VPS52: variants seen among roughly 807,000 people sequenced by gnomAD.
VPS52 encodes VPS52 subunit of GARP complex.
In VPS52, 56 loss-of-function variants were observed where a neutral mutation model predicts 98.7. The observed-to-expected ratio is 0.57, with a 90% CI of 0.46 to 0.71. The LOEUF is 0.71. VPS52 is among the 30% of genes least tolerant of loss of function. The pLI is 0.00. For missense variants in VPS52, 742 were observed against 925.9 expected (o/e 0.80, Z 2.58); for synonymous variants, 348 against 346.4 (o/e 1.00, Z -0.05).
intron 17 of VPS52, among the ~76,000 whole-genome samples, chr6:33,257,508 C>T (rs563841141): frequency 7.9e-5 from 12 of 152,092 alleles, no homozygotes; most frequent in Non-Finnish European, 1.8e-4. Context: ...AAGTGATTCT[C>T]CTGCCTCAGC....
intron 15 of VPS52, 27 bp downstream of exon 15, chr6:33,263,981 G>A (rs751478385): frequency 1.2e-6 from 2 of 1,613,934 alleles, no homozygotes; most frequent in East Asian, 2.2e-5. Context: ...CCCTGCTGCT[G>A]GGAAGTGTCT....
At chr6:33,258,566 T>TA (rs1457262248) in intron 17 of VPS52, among the ~76,000 whole-genome samples, 4 of 152,130 alleles carry the variant, frequency 2.6e-5, no homozygotes, top group Admixed American at 6.6e-5. Flanking sequence ...CTCTTATAAA[T>TA]AAAAAATACT....
chr6:33,260,722 G>A (rs969943601), intron 17 of VPS52, among the ~76,000 whole-genome samples: 7 of 152,120 alleles, frequency 4.6e-5, no homozygotes, highest in East Asian at 1.9e-4. Flanking sequence ...AATCTAGGCC[G>A]GGTGCAGTGA....
Position 33,269,772 on chromosome 6 carries a change from C to A in VPS52, c.276G>T (p.Gln92His), listed in dbSNP as rs1343108013. The A allele has an allele frequency of 1.2e-6, 2 of 1,613,774 alleles. No homozygotes were observed. Among genetic ancestry groups the A allele is most frequent in the Non-Finnish European group, 1.7e-6 (2 of 1,179,990 alleles). The change falls in exon 4 of 20, where the codon CAG (glutamine) becomes CAT (histidine). Residue 92 changes from glutamine to histidine, a missense_variant. Coordinates refer to ENST00000445902, the MANE Select transcript of VPS52 (RefSeq NM_022553.6). Reference protein sequence around the residue: ...HYSKQVELELQQIEQKSIRDY... With the variant: ...HYSKQVELELHQIEQKSIRDY... The stretch of plus-strand genomic sequence containing the variant: ...CCCGAATGGATTTCTGTTCAATCTG[C>A]TGTAGCTCCAGCTCAACTTGCTTTG...
chr6:33,254,567 G>T (rs1172714368), intron 17 of VPS52: 1 of 152,188 alleles, frequency 6.6e-6, no homozygotes, highest in East Asian at 1.9e-4. Context: ...TAACAGTGAT[G>T]ACCCCTGCTA....
At chr6:33,271,963 A>ACTCT (rs1765162218), upstream of VPS52, 1 of 1,087,764 alleles carries the variant, frequency 9.2e-7, no homozygotes. Context: ...CCCAAGCCAT[A>ACTCT]CTCTCATAAA....
In VPS52 at chr6:33,264,452, C is replaced by G; in HGVS notation, c.1446G>C (p.Leu482=). The change falls in exon 14 of 20, where the codon CTG becomes CTC. Residue 482 remains leucine, a synonymous_variant. Coordinates refer to ENST00000445902, the MANE Select transcript of VPS52 (RefSeq NM_022553.6). ...VLALLWPRFE[L]ILEMNVQSVR... ...CGCTCTGAACATTCATCTCCAGGAT[C>G]AGTTCAAACCGTGGCCATAGCAAGG... 6.2e-7 allele frequency: 1 copy of G among 1,614,178 alleles called. No individual in the cohort carries two copies. Among genetic ancestry groups the G allele is most frequent in the South Asian group, 1.1e-5 (1 of 91,088 alleles).
At chr6:33,253,933 G>A (rs894045665) in intron 17 of VPS52, among the ~76,000 whole-genome samples, 2 of 152,094 alleles carry the variant, frequency 1.3e-5, no homozygotes, top group Non-Finnish European at 2.9e-5. Flanking sequence ...TATCACTGAT[G>A]ATGCCTGGGG....
chr6:33,270,106 T>C (rs1326757105), intron 2 of VPS52, 55 bp from the exon 3 acceptor site: 53 of 1,613,238 alleles, frequency 3.3e-5, no homozygotes, highest in Non-Finnish European at 4.3e-5. Flanking sequence ...TCTCCCCACA[T>C]TGAGTATCTG....
intron 15 of VPS52, 44 bp downstream of exon 15, chr6:33,263,964 G>A (rs752499446): frequency 6.2e-7 from 1 of 1,612,282 alleles, no homozygotes; most frequent in Non-Finnish European, 8.5e-7. Flanking sequence ...CCACCCACTG[G>A]AAGCAGCCCT....
In VPS52 at chr6:33,251,843, C is replaced by T; in HGVS notation, c.1906+17G>A. 6.2e-7 allele frequency: 1 copy of T among 1,612,214 alleles called. No homozygotes were observed. Among genetic ancestry groups the T allele is most frequent in the Non-Finnish European group, 8.5e-7 (1 of 1,178,630 alleles). On this transcript the variant is annotated intron_variant, in intron 18 of 19. Coordinates refer to ENST00000445902, the MANE Select transcript of VPS52 (RefSeq NM_022553.6). ...TCCCTTACCACTGATCCCATCATTACCATATTTTCCTCATACCTTCTTCCC... is the reference window on the plus strand; with the variant it reads ...TCCCTTACCACTGATCCCATCATTATCATATTTTCCTCATACCTTCTTCCC...
At chr6:33,254,217 T>G (rs1562531285) in intron 17 of VPS52, among the ~76,000 whole-genome samples, 1 of 151,612 alleles carries the variant, frequency 6.6e-6, no homozygotes, top group Non-Finnish European at 1.5e-5. Flanking sequence ...GAGGTTGTAG[T>G]GAGCCAAGAT....
At chr6:33,263,919 G>A (rs762533125) in intron 15 of VPS52, 40 bp from the exon 16 acceptor site, 1 of 1,613,508 alleles carries the variant, frequency 6.2e-7, no homozygotes, top group Non-Finnish European at 8.5e-7. Flanking sequence ...CAGAAAGCAA[G>A]GTCATCTGGG....
At chr6:33,271,154 T>A (rs1260123920) in intron 1 of VPS52, 2 of 528,396 alleles carry the variant, frequency 3.8e-6, no homozygotes, top group Non-Finnish European at 3.4e-6. Flanking sequence ...CCAGGTGCAA[T>A]CTTACACATA....
At position 33,268,964 on chromosome 6, in the gene VPS52, A is replaced by C; in HGVS notation, c.548+50T>G. 6.3e-7 allele frequency: 1 copy of C among 1,597,560 alleles called. No homozygotes were observed. Among genetic ancestry groups the C allele is most frequent in the Non-Finnish European group, 8.5e-7 (1 of 1,171,048 alleles). Reference sequence around the variant, plus strand: ...TATGGTAAATAGGGTGGGTCACCCCAGCCCATCCACCTGCTATGGACATTA... The same window carrying C: ...TATGGTAAATAGGGTGGGTCACCCCCGCCCATCCACCTGCTATGGACATTA... On this transcript the variant is annotated intron_variant, in intron 6 of 19. Coordinates refer to ENST00000445902, the MANE Select transcript of VPS52 (RefSeq NM_022553.6). The surrounding 1 kb of genome is among the most constrained non-coding windows in gnomAD (Gnocchi z 4.0).
intron 17 of VPS52, among the ~76,000 whole-genome samples, chr6:33,256,090 A>C (rs1762909354): frequency 6.6e-6 from 1 of 152,190 alleles, no homozygotes. Context: ...AGATTTATTT[A>C]TTCCTAGTAG....
At chr6:33,258,838 G>A (rs1763307111) in intron 17 of VPS52, among the ~76,000 whole-genome samples, 1 of 152,060 alleles carries the variant, frequency 6.6e-6, no homozygotes, top group Non-Finnish European at 1.5e-5. Flanking sequence ...AAAGTGCTGG[G>A]ATTACAGGTG....
At chr6:33,257,733 C>T (rs1015235822) in intron 17 of VPS52, among the ~76,000 whole-genome samples, 2 of 152,152 alleles carry the variant, frequency 1.3e-5, no homozygotes, top group East Asian at 1.9e-4. Context: ...AATAGTCAGG[C>T]GTGGTAGATG....
rs1258064032 is a variant in VPS52 at position 33,250,993 on chromosome 6, C to T, written c.2026-6G>A. On this transcript the variant is annotated splice_region_variant and splice_polypyrimidine_tract_variant and intron_variant, in intron 19 of 19. Transcript: ENST00000445902. ...ATCAGCTGGGTCAGCGCTCCCTGGT[C>T]AAAGAAAGTCATTGAGGGATCAAAC... The T allele has an allele frequency of 6.2e-7, 1 of 1,612,922 alleles. No homozygotes were observed. Among genetic ancestry groups the T allele is most frequent in the South Asian group, 1.1e-5 (1 of 91,080 alleles).
Sources: allele counts gnomAD v4.1 joint callset (sites outside exome capture counted in the v4.1 genomes callset), GRCh38; gene constraint gnomAD v4.1.1; non-coding constraint Gnocchi (gnomAD v3.1); transcripts MANE v1.5; gene names NCBI Gene and HGNC (gene_info 2026-07-23, HGNC 2026-07-21).